The following CEP63 variants were observed in gnomAD, a reference collection of about 807,000 sequenced individuals.
The protein encoded by CEP63 is centrosomal protein 63.
In CEP63, 84 loss-of-function variants were observed where a neutral mutation model predicts 89.1. That is an observed-to-expected ratio of 0.94 (90% CI 0.79 to 1.13). The LOEUF (loss-of-function observed/expected upper bound fraction) is 1.13, where lower values mean the gene tolerates loss of function less well. Among genes scored for constraint, CEP63 ranks in the 50% most tolerant of loss-of-function variants. CEP63 has a pLI of 0.00. For synonymous variants in CEP63, 267 were observed against 272.5 expected, an observed-to-expected ratio of 0.98 and a Z score of 0.20; for missense variants, 838 against 813.3, an observed-to-expected ratio of 1.03 and a Z score of -0.37.
In CEP63 at chr3:134,559,304, A is replaced by G; in HGVS notation, c.1828A>G (p.Arg610Gly). The G allele has an allele frequency of 6.2e-7, 1 of 1,614,146 alleles. No homozygotes were observed. The highest frequency in any genetic ancestry group is 1.1e-5 in the South Asian group (1 of 91,084). Residue 610 changes from arginine (R) to glycine (G), a missense_variant, in exon 14 of 15, where the codon AGG (arginine) becomes GGG (glycine). Physicochemically the swap from Arg to Gly is moderately radical, Grantham distance 125. Transcript: ENST00000675561. ...TCAAATCAGCCCTTGCAGCTCCACC[A>G]GGTCTTTGACTTCCTACTCTCTATG... Reference protein sequence around the residue: ...SPQISPCSSTRSLTSYSLCKT... With the variant: ...SPQISPCSSTGSLTSYSLCKT...
the CEP63 span, among the ~76,000 whole-genome samples, chr3:134,641,706 AC>A: frequency 6.6e-6 from 1 of 152,136 alleles, no homozygotes; most frequent in Non-Finnish European, 1.5e-5. Context: ...AAATGAATAT[AC>A]AACCCCGCAC....
the CEP63 span, among the ~76,000 whole-genome samples, chr3:134,652,257 G>T: frequency 6.6e-6 from 1 of 152,124 alleles, no homozygotes; most frequent in Admixed American, 6.5e-5. Context: ...GTCTTCATAT[G>T]GTAGCTGTCA....
At chr3:134,682,167 A>G in the CEP63 span, among the ~76,000 whole-genome samples, 2 of 152,130 alleles carry the variant, frequency 1.3e-5, no homozygotes, top group Non-Finnish European at 2.9e-5. Flanking sequence ...ACACCTGATA[A>G]ATGGTCTTTC....
the CEP63 span, chr3:134,607,139 C>A: frequency 1.0e-6 from 1 of 985,432 alleles, no homozygotes; most frequent in Non-Finnish European, 1.2e-6. Flanking sequence ...CAGTTCTTTC[C>A]GATATTTCCA....
At chr3:134,580,975 G>A (rs1021094539) in intron 10 of CEP63, among the ~76,000 whole-genome samples, 5 of 138,600 alleles carry the variant, frequency 3.6e-5, no homozygotes, top group African/African-American at 1.3e-4. Context: ...ACCCAAGTGT[G>A]GAAGAGGGAG....
rs1577287384 is a variant in CEP63 at position 134,547,589 on chromosome 3, C to A, written c.1067+117C>A. On this transcript the variant is annotated intron_variant, in intron 9 of 14. Coordinates refer to ENST00000675561, the MANE Select transcript of CEP63 (RefSeq NM_001353108.3). ...AAAAAATAAGATTTTTTTCTAGTAT[C>A]CACAAATGGCCTAAGTTCTTATTTC... is the stretch of plus-strand genomic sequence containing the variant. The A allele has an allele frequency of 9.5e-6, 4 of 420,764 alleles. No homozygotes were observed. In the Admixed American group the frequency reaches 1.2e-4, roughly 13 times the overall value. 26.1% of individuals were successfully genotyped at this position (420,764 alleles called of 1,614,324 possible). A position where few individuals can be genotyped will look rare whatever the true frequency, so the allele number is the denominator to read the frequency against.
chr3:134,635,325 C>T, the CEP63 span, among the ~76,000 whole-genome samples: 1 of 151,698 alleles, frequency 6.6e-6, no homozygotes, highest in African/African-American at 2.4e-5. Flanking sequence ...GGTGAAACCC[C>T]ATCTCTACTA....
At chr3:134,555,360 A>T (rs547398966) in intron 12 of CEP63, among the ~76,000 whole-genome samples, 2 of 152,064 alleles carry the variant, frequency 1.3e-5, no homozygotes, top group Admixed American at 6.6e-5. Context: ...ACATGATTGT[A>T]TATCTAGAAA....
At chr3:134,706,397 G>C in the CEP63 span, among the ~76,000 whole-genome samples, 8 of 152,070 alleles carry the variant, frequency 5.3e-5, no homozygotes, top group Non-Finnish European at 1.0e-4. Context: ...CTACAAAATG[G>C]GTATGTTTGG....
At chr3:134,549,237 T>A in intron 10 of CEP63, 61 bp downstream of exon 10, 1 of 1,041,254 alleles carries the variant, frequency 9.6e-7, no homozygotes, top group East Asian at 2.4e-5. Context: ...AGCTGTGGAT[T>A]GGGAGATTAT....
rs565660204 is a variant in CEP63 at position 134,541,117 on chromosome 3, C to T, written c.555+3849C>T. 1.7e-4 allele frequency among the ~76,000 whole-genome samples: 26 copies of T among 152,228 alleles called. No homozygotes were observed. In the South Asian group the frequency reaches 5.4e-3, roughly 32 times the overall value. On this transcript the variant is annotated intron_variant, in intron 6 of 14. Transcript: ENST00000675561. ...ATTTTACTATTCTGAAAGAGCTTTCCATACACTTAAGTATGAAATATAAGC... is the reference window on the plus strand; with the variant it reads ...ATTTTACTATTCTGAAAGAGCTTTCTATACACTTAAGTATGAAATATAAGC...
the CEP63 span, among the ~76,000 whole-genome samples, chr3:134,687,538 C>A: frequency 6.6e-6 from 1 of 152,102 alleles, no homozygotes. Flanking sequence ...CTGGTGCATC[C>A]CTGGTAGGCA....
the CEP63 span, among the ~76,000 whole-genome samples, chr3:134,711,017 GC>G: frequency 2.6e-5 from 4 of 152,040 alleles, no homozygotes; most frequent in African/African-American, 7.2e-5. Flanking sequence ...ACTGTGCCCG[GC>G]CTATCCATTG....
In CEP63 at chr3:134,525,845, T is replaced by C. The variant is rs531414036; in HGVS notation, c.223-6000T>C. 3.3e-5 allele frequency among the ~76,000 whole-genome samples: 5 copies of C among 152,322 alleles called. No homozygotes were observed. In the East Asian group the frequency reaches 9.6e-4, roughly 29 times the overall value. ...TTCCCTTTATAGGTGACCTGATCTT[T>C]CTCTCTGGCTGCCGTTAACATTTTT... is the stretch of plus-strand genomic sequence containing the variant. On this transcript the variant is annotated intron_variant, in intron 3 of 14. Transcript: ENST00000675561.
chr3:134,720,949 G>A, the CEP63 span, among the ~76,000 whole-genome samples: 3 of 151,960 alleles, frequency 2.0e-5, no homozygotes, highest in South Asian at 2.1e-4. Context: ...AGATTGTTTT[G>A]GCTATTTTGC....
chr3:134,531,756 T>A, intron 3 of CEP63, 89 bp from the exon 4 acceptor site: 2 of 1,008,894 alleles, frequency 2.0e-6, no homozygotes, highest in Middle Eastern at 2.8e-4. Context: ...AATTTACAAA[T>A]AAATACAGAG....
At chr3:134,588,557 T>A (rs141786167), downstream of CEP63, among the ~76,000 whole-genome samples, 1 of 152,332 alleles carries the variant, frequency 6.6e-6, no homozygotes, top group East Asian at 1.9e-4. Context: ...GACTACACTC[T>A]TGGTGTGCAA....
At chr3:134,765,186 T>C in the CEP63 span, among the ~76,000 whole-genome samples, 1 of 152,350 alleles carries the variant, frequency 6.6e-6, no homozygotes, top group East Asian at 1.9e-4. Context: ...TGATAGTGTA[T>C]GTATAAGGTA....
the CEP63 span, among the ~76,000 whole-genome samples, chr3:134,660,881 C>G: frequency 1.3e-5 from 2 of 152,254 alleles, no homozygotes; most frequent in African/African-American, 2.4e-5. Context: ...GGAGAGTGGG[C>G]TAGGAAGGGG....
Sources: gnomAD v4.1 joint callset for allele counts (sites outside exome capture counted in the v4.1 genomes callset) on GRCh38, gnomAD v4.1.1 for gene constraint, MANE v1.5 for transcripts, NCBI Gene and HGNC (gene_info 2026-07-23, HGNC 2026-07-21) for gene names.